Variants in MAP3K7 observed in about 807,000 individuals in gnomAD.
MAP3K7 encodes TGF-beta activated kinase 1.
In MAP3K7, 21 loss-of-function variants were observed where a neutral mutation model predicts 84.8. The ratio of observed to expected loss-of-function variants is 0.25; its 90% CI spans 0.18 to 0.36. The LOEUF (loss-of-function observed/expected upper bound fraction) is 0.36, where lower values mean the gene tolerates loss of function less well. Among genes scored for constraint, MAP3K7 ranks in the 10% least tolerant of loss-of-function variants. The pLI, the probability that MAP3K7 is intolerant of heterozygous loss-of-function variation, is 1.00. For missense variants in MAP3K7, 503 were observed against 747.7 expected, an observed-to-expected ratio of 0.67 and a Z score of 3.82; for synonymous variants, 241 against 247.7, an observed-to-expected ratio of 0.97 and a Z score of 0.25.
intron 1 of MAP3K7, among the ~76,000 whole-genome samples, chr6:90,576,419 T>TCACACACACACA (rs11468988): frequency 6.8e-4 from 93 of 136,942 alleles, no homozygotes; most frequent in East Asian, 1.1e-3. Context: ...CTAGACTCTG[T>TCACACACACACA]CACACACACA....
chr6:90,566,058 G>A (rs1219722944), intron 3 of MAP3K7, among the ~76,000 whole-genome samples: 2 of 152,182 alleles, frequency 1.3e-5, no homozygotes, highest in South Asian at 2.1e-4. Context: ...CTGATGGGAC[G>A]TATCTCAAAA....
At chr6:90,529,731 T>C (rs960001052) in intron 13 of MAP3K7, among the ~76,000 whole-genome samples, 4 of 152,218 alleles carry the variant, frequency 2.6e-5, no homozygotes, top group African/African-American at 9.6e-5. Flanking sequence ...AGTCAGTTCC[T>C]ACTTCAACTT....
chr6:90,527,874 T>G (rs1172582533), intron 13 of MAP3K7, among the ~76,000 whole-genome samples: 1 of 11,068 alleles, frequency 9.0e-5, no homozygotes, highest in Non-Finnish European at 2.0e-4. Context: ...GACTTTTTTT[T>G]TTTTTTTTTT....
intron 6 of MAP3K7, among the ~76,000 whole-genome samples, chr6:90,555,506 C>T (rs1364590938): frequency 2.6e-5 from 4 of 152,214 alleles, no homozygotes; most frequent in Non-Finnish European, 5.9e-5. Context: ...CCGCCCACCT[C>T]AGCCTCCCAA....
chr6:90,586,698 C>T, intron 1 of MAP3K7, 66 bp downstream of exon 1: 1 of 1,535,084 alleles, frequency 6.5e-7, no homozygotes, highest in Non-Finnish European at 8.8e-7. Flanking sequence ...CCTTCAGAGC[C>T]GGCACCAGGC....
intron 1 of MAP3K7, among the ~76,000 whole-genome samples, chr6:90,578,747 A>T (rs1409688361): frequency 6.6e-6 from 1 of 152,134 alleles, no homozygotes; most frequent in East Asian, 1.9e-4. Context: ...CTGAATGGGA[A>T]TTAGAGGTGG....
rs113131894 is a variant in MAP3K7, at chr6:90,543,578, T to G, written c.1291+974A>C. 1.0e-3 allele frequency among the ~76,000 whole-genome samples: 156 copies of G among 152,098 alleles called. 1 individual carries two copies. Among genetic ancestry groups the G allele is most frequent in the African/African-American group, 3.4e-3 (142 of 41,538 alleles). On this transcript the variant is annotated intron_variant, in intron 12 of 16. Transcript: ENST00000369329. The stretch of plus-strand genomic sequence containing the variant: ...ATTCTATCCTTACATAGTTTTCAGT[T>G]TAGTAGAGGAGAAAATAACCATTAG...
chr6:90,558,330 A>AAT (rs1776402224), intron 5 of MAP3K7, among the ~76,000 whole-genome samples: 1 of 151,808 alleles, frequency 6.6e-6, no homozygotes. Context: ...TCAAAATAAA[A>AAT]AATAATAATA....
rs201669218 is a variant in MAP3K7, at chr6:90,562,505, A to AGGC, written c.298-841_298-839dup. 5.5e-3 allele frequency among the ~76,000 whole-genome samples: 836 copies of AGGC among 152,316 alleles called. 5 individuals carry two copies. The highest frequency in any genetic ancestry group is 0.012 in the Admixed American group (179 of 15,300). ...CACAGCAGTCTGAGATCCAACTGCAAGGCGGCAGCGACGCTGGGAGAGGGG... is the reference window on the plus strand; with the variant it reads ...CACAGCAGTCTGAGATCCAACTGCAAGGCGGCGGCAGCGACGCTGGGAGAGGGG... On this transcript the variant is annotated intron_variant, in intron 3 of 16. Transcript: ENST00000369329.
Position 90,572,439 on chromosome 6 carries a change from T to C in MAP3K7, c.121-632A>G, listed in dbSNP as rs539708930. Among the ~76,000 whole-genome samples, 14 of 152,126 alleles carry C rather than the reference T, an allele frequency of 9.2e-5. No homozygotes were observed. The East Asian group carries it at 2.7e-3, about 29-fold the overall frequency. ...AAGAAGTCAGACACCAGAGACCACA[T>C]ATTGTATGATTCCATTTATACAAAA... On this transcript the variant is annotated intron_variant, in intron 1 of 16. Transcript: ENST00000369329.
chr6:90,580,491 T>A (rs1224063717), intron 1 of MAP3K7, among the ~76,000 whole-genome samples: 1 of 152,222 alleles, frequency 6.6e-6, no homozygotes, highest in Non-Finnish European at 1.5e-5. Flanking sequence ...TTTTGTTTTT[T>A]AAAATTTTTT....
At position 90,513,813 on chromosome 6, in the gene MAP3K7, C is replaced by T. The variant is rs1774875448; in HGVS notation, c.*2688G>A. 6.6e-6 allele frequency: 1 copy of T among 151,994 alleles called. No homozygotes were observed. The highest frequency in any genetic ancestry group is 1.5e-5 in the Non-Finnish European group (1 of 67,986). 9.4% of individuals were successfully genotyped at this position (151,994 alleles called of 1,614,324 possible). Reference sequence around the variant, plus strand: ...AGGGAAGACCTGTGATCTCTGGCTACAGGAGCTGAAATTAGGAACATGAAA... The same window carrying T: ...AGGGAAGACCTGTGATCTCTGGCTATAGGAGCTGAAATTAGGAACATGAAA... On this transcript the variant is annotated 3_prime_UTR_variant, in exon 17 of 17. Transcript: ENST00000369329.
At chr6:90,570,607 G>A (rs1776869813) in intron 2 of MAP3K7, among the ~76,000 whole-genome samples, 1 of 152,186 alleles carries the variant, frequency 6.6e-6, no homozygotes, top group Admixed American at 6.5e-5. Flanking sequence ...TTAGATTGGA[G>A]GAGGTACAGG....
In MAP3K7 at chr6:90,570,656, A is replaced by G. The variant is rs150622670; in HGVS notation, c.231+1041T>C. On this transcript the variant is annotated intron_variant, in intron 2 of 16. Coordinates refer to ENST00000369329, the MANE Select transcript of MAP3K7 (RefSeq NM_145331.3). ...TTTTACTAAGAATTTTTGGAGAACC[A>G]TTTGATTTTTTACATTACATGCACA... Among the ~76,000 whole-genome samples the G allele has an allele frequency of 2.6e-3, 392 of 152,284 alleles. 1 individual carries two copies. Among genetic ancestry groups the G allele is most frequent in the African/African-American group, 8.1e-3 (335 of 41,554 alleles).
chr6:90,540,792 A>G (rs1775831989), intron 12 of MAP3K7, among the ~76,000 whole-genome samples: 1 of 151,928 alleles, frequency 6.6e-6, no homozygotes, highest in East Asian at 1.9e-4. Context: ...CTTACTCTAC[A>G]TGTTAAACTG....
chr6:90,524,105 A>C (rs1484001849), intron 13 of MAP3K7, among the ~76,000 whole-genome samples: 1 of 152,184 alleles, frequency 6.6e-6, no homozygotes, highest in African/African-American at 2.4e-5. Context: ...CTGTTTTCAC[A>C]GGCTGCTGCA....
At chr6:90,562,296 C>T (rs184019282) in intron 3 of MAP3K7, among the ~76,000 whole-genome samples, 2 of 152,284 alleles carry the variant, frequency 1.3e-5, no homozygotes, top group African/African-American at 4.8e-5. Flanking sequence ...CCGGGAAGCA[C>T]AAGGGGTTGG....
chr6:90,537,012 T>C (rs1775702584), intron 12 of MAP3K7: 3 of 152,106 alleles, frequency 2.0e-5, no homozygotes, highest in Non-Finnish European at 4.4e-5. Flanking sequence ...AATATACAGC[T>C]TGTTGAAATG....
At chr6:90,536,278 T>G in intron 13 of MAP3K7, 59 bp downstream of exon 13, 2 of 1,375,438 alleles carry the variant, frequency 1.5e-6, no homozygotes, top group East Asian at 2.3e-5. Context: ...TAGAATACAG[T>G]TAATTCTTGT....
Sources: gnomAD v4.1 joint callset for allele counts (sites outside exome capture counted in the v4.1 genomes callset) on GRCh38, gnomAD v4.1.1 for gene constraint, MANE v1.5 for transcripts, NCBI Gene and HGNC (gene_info 2026-07-23, HGNC 2026-07-21) for gene names.